Variants in RPS21 observed in about 807,000 individuals in gnomAD.
RPS21 encodes small ribosomal subunit protein eS21.
Under a neutral mutation model 14.5 loss-of-function variants are expected in RPS21, and 6 were observed. The observed-to-expected ratio is 0.41, with a 90% confidence interval of 0.23 to 0.82. The LOEUF (loss-of-function observed/expected upper bound fraction) is 0.82. RPS21 is among the 40% of genes least tolerant of loss of function. The probability of loss-of-function intolerance (pLI) is 0.31; values close to 1 mark genes in which losing one functional copy is unlikely to be tolerated. For synonymous variants in RPS21, 61 were observed against 42.6 expected, an observed-to-expected ratio of 1.43 and a Z score of -1.69; for missense variants, 85 against 115.0, an observed-to-expected ratio of 0.74 and a Z score of 1.19.
chr20:62,387,438 C>T (rs778974346), intron 2 of RPS21, 50 bp downstream of exon 2: 5 of 1,602,728 alleles, frequency 3.1e-6, no homozygotes, highest in Middle Eastern at 1.7e-4. Flanking sequence ...ACCACCACGT[C>T]CCCTCGCCTG....
chr20:62,387,118 C>G lies in RPS21; in HGVS notation c.-37C>G. On this transcript the variant is annotated 5_prime_UTR_variant, in exon 1 of 6. Transcript: ENST00000343986. ...CTAGCTGCTTCCTTTCTCTCTCGCG[C>G]GCGGTGTGGTGGCAGCAGGTGTGGC... 2.1e-6 allele frequency: 1 copy of G among 472,052 alleles called. No homozygotes were observed. 29.2% of individuals were successfully genotyped at this position (472,052 alleles called of 1,614,324 possible).
chr20:62,388,334 G>A lies in RPS21; in HGVS notation c.212G>A (p.Arg71Gln), dbSNP rs939282528. 6 of 1,593,578 alleles carry A rather than the reference G, an allele frequency of 3.8e-6. No individual in the cohort carries two copies. The highest frequency in any genetic ancestry group is 1.9e-5 in the Admixed American group (1 of 52,694). ...GGTGAGTCAGATGATTCCATTCTCCGATTGGCCAAGGCCGATGGCATCGTC... is the reference window on the plus strand; with the variant it reads ...GGTGAGTCAGATGATTCCATTCTCCAATTGGCCAAGGCCGATGGCATCGTC... ...RMGESDDSIL[R>Q]LAKADGIVSK... Residue 71 changes from arginine to glutamine, a missense_variant, in exon 5 of 6, where the codon CGA becomes CAA. Arg to Gln is a conservative substitution (Grantham distance 43). Transcript: ENST00000343986.
At chr20:62,387,432 C>G in intron 2 of RPS21, 44 bp downstream of exon 2, 1 of 1,605,346 alleles carries the variant, frequency 6.2e-7, no homozygotes, top group Non-Finnish European at 8.5e-7. Flanking sequence ...TACCTAACCA[C>G]CACGTCCCCT....
intron 4 of RPS21, 141 bp from the exon 5 acceptor site, chr20:62,388,168 C>G: frequency 2.7e-6 from 4 of 1,466,534 alleles, no homozygotes; most frequent in East Asian, 2.5e-5. Flanking sequence ...CAGGCTGCCC[C>G]GGGAGAGGTG....
chr20:62,387,558 C>G, intron 2 of RPS21, 53 bp from the exon 3 acceptor site: 1 of 1,595,002 alleles, frequency 6.3e-7, no homozygotes, highest in Non-Finnish European at 8.6e-7. Flanking sequence ...CTCGTCCCCT[C>G]TTTCATTCTT....
At chr20:62,387,733 G>C in intron 3 of RPS21, 59 bp downstream of exon 3, 1 of 1,614,108 alleles carries the variant, frequency 6.2e-7, no homozygotes, top group Non-Finnish European at 8.5e-7. Context: ...AAGGCAGGCT[G>C]TCCCATTGTG....
At position 62,388,487 on chromosome 20, in the gene RPS21, G is replaced by A; in HGVS notation, c.*21G>A. On this transcript the variant is annotated 3_prime_UTR_variant, in exon 6 of 6. Coordinates refer to ENST00000343986, the MANE Select transcript of RPS21 (RefSeq NM_001024.4). ...TTTGACTGGAGAGAATCACAGATGT[G>A]GAATATTTGTCATAAATAAATAATG... 6.2e-7 allele frequency: 1 copy of A among 1,611,496 alleles called. No homozygotes were observed. Among genetic ancestry groups the A allele is most frequent in the Non-Finnish European group, 8.5e-7 (1 of 1,177,684 alleles).
In RPS21 at chr20:62,387,901, C is replaced by A; in HGVS notation, c.173C>A (p.Ala58Asp). 1 of 1,614,202 alleles carries A rather than the reference C, an allele frequency of 6.2e-7. No homozygotes were observed. The highest frequency in any genetic ancestry group is 1.1e-5 in the South Asian group (1 of 91,078). The stretch of plus-strand genomic sequence containing the variant: ...TTTAAAACTTATGCTATCTGCGGGG[C>A]CATTCGTAGGATGGTGAGTGTTTCC... The part of the protein sequence containing the change: ...GQFKTYAICG[A>D]IRRMGESDDS... Residue 58 changes from alanine (A) to aspartate (D), a missense_variant, in exon 4 of 6, where the codon GCC (alanine) becomes GAC (aspartate). Ala to Asp is a moderately radical substitution (Grantham distance 126). Coordinates refer to ENST00000343986, the MANE Select transcript of RPS21 (RefSeq NM_001024.4).
chr20:62,387,177 TG>T, intron 1 of RPS21, 41 bp downstream of exon 1: 5 of 552,944 alleles, frequency 9.0e-6, no homozygotes, highest in Non-Finnish European at 1.5e-5. Context: ...GGGCTGGGGC[TG>T]GGGCGGGAGT....
chr20:62,387,261 G>A, intron 1 of RPS21, 60 bp from the exon 2 acceptor site: 1 of 1,374,430 alleles, frequency 7.3e-7, no homozygotes, highest in Non-Finnish European at 1.0e-6. Flanking sequence ...GGGCCGGTTT[G>A]CGCCGGGAGC....
intron 5 of RPS21, 29 bp downstream of exon 5, chr20:62,388,393 A>G (rs1334448932): frequency 1.2e-6 from 2 of 1,609,784 alleles, no homozygotes; most frequent in Non-Finnish European, 1.7e-6. Context: ...ATTTGGGCAG[A>G]GTGAGTGGAC....
intron 4 of RPS21, 130 bp downstream of exon 4, chr20:62,388,044 C>G: frequency 6.4e-7 from 1 of 1,570,842 alleles, no homozygotes; most frequent in South Asian, 1.1e-5. Flanking sequence ...CTGGGCTGGC[C>G]GCCTGCCGCT....
intron 4 of RPS21, 99 bp downstream of exon 4, chr20:62,388,013 G>A (rs552085789): frequency 6.2e-7 from 1 of 1,607,616 alleles, no homozygotes; most frequent in Non-Finnish European, 8.5e-7. Context: ...TCTGCTGGCA[G>A]AGTAGTTTGA....
Position 62,388,290 on chromosome 20 carries a change from C to CT in RPS21, c.187-7dup, listed in dbSNP as rs368034186. The CT allele has an allele frequency of 0.078, 82,857 of 1,066,350 alleles. No individual in the cohort carries two copies. The highest frequency in any genetic ancestry group is 0.13 in the South Asian group (6,220 of 47,002). The allele number at this position is 1,066,350 out of a possible 1,614,324, so 66.1% of individuals were successfully genotyped here. A position where few individuals can be genotyped will look rare whatever the true frequency, so the allele number is the denominator to read the frequency against. On this transcript the variant is annotated intron_variant, in intron 4 of 5. Transcript: ENST00000343986. ...CCGGAGTGGAAATATTCTTAGTGTG[C>CT]TTTTTTTTTTTTCTTAAGGGTGAGT...
chr20:62,388,173 G>T (rs1987814446), intron 4 of RPS21, 136 bp from the exon 5 acceptor site: 1 of 1,466,746 alleles, frequency 6.8e-7, no homozygotes, highest in Non-Finnish European at 9.1e-7. Context: ...TGCCCCGGGA[G>T]AGGTGGCTCC....
At position 62,387,331 on chromosome 20, in the gene RPS21, G is replaced by A. The variant is rs769824715; in HGVS notation, c.-8G>A. ...GCGGTGACTCCCCAGGCGCAGCCCA[G>A]CCTCGAAATGCAGAACGACGCCGGC... On this transcript the variant is annotated 5_prime_UTR_variant, in exon 2 of 6. Transcript: ENST00000343986. 2 of 1,597,202 alleles carry A rather than the reference G, an allele frequency of 1.3e-6. No individual in the cohort carries two copies. The highest frequency in any genetic ancestry group is 2.3e-5 in the East Asian group (1 of 43,800).
Position 62,387,839 on chromosome 20 carries a change from C to G in RPS21, c.115-4C>G, listed in dbSNP as rs200558032. 4 of 1,614,138 alleles carry G rather than the reference C, an allele frequency of 2.5e-6. No homozygotes were observed. In the East Asian group the frequency reaches 6.7e-5, roughly 27 times the overall value. On this transcript the variant is annotated splice_region_variant and splice_polypyrimidine_tract_variant and intron_variant, in intron 3 of 5. Transcript: ENST00000343986. ...GTGGTTTGTGACCCTTCTTCTCTTTCTAGGTTGACAAGGTCACAGGCAGGT... is the reference window on the plus strand; with the variant it reads ...GTGGTTTGTGACCCTTCTTCTCTTTGTAGGTTGACAAGGTCACAGGCAGGT...
At position 62,388,517 on chromosome 20, in the gene RPS21, C is replaced by T; in HGVS notation, c.*51C>T. 1.9e-6 allele frequency: 3 copies of T among 1,592,952 alleles called. No homozygotes were observed. Among genetic ancestry groups the T allele is most frequent in the Non-Finnish European group, 1.7e-6 (2 of 1,161,018 alleles). On this transcript the variant is annotated 3_prime_UTR_variant, in exon 6 of 6. Coordinates refer to ENST00000343986, the MANE Select transcript of RPS21 (RefSeq NM_001024.4). ...ATTTGTCATAAATAAATAATGAAAA[C>T]CTACCTGTGCAGGTTCATTCTGTGT...
At position 62,388,484 on chromosome 20, in the gene RPS21, T is replaced by A; in HGVS notation, c.*18T>A. The A allele has an allele frequency of 6.2e-7, 1 of 1,612,284 alleles. No homozygotes were observed. The highest frequency in any genetic ancestry group is 8.5e-7 in the Non-Finnish European group (1 of 1,178,376). Reference sequence around the variant, plus strand: ...ACTTTTGACTGGAGAGAATCACAGATGTGGAATATTTGTCATAAATAAATA... The same window carrying A: ...ACTTTTGACTGGAGAGAATCACAGAAGTGGAATATTTGTCATAAATAAATA... On this transcript the variant is annotated 3_prime_UTR_variant, in exon 6 of 6. Coordinates refer to ENST00000343986, the MANE Select transcript of RPS21 (RefSeq NM_001024.4).
Sources: allele counts gnomAD v4.1 joint callset, GRCh38; gene constraint gnomAD v4.1.1; transcripts MANE v1.5; gene names NCBI Gene and HGNC (gene_info 2026-07-23, HGNC 2026-07-21).